Variants in ACAP3 observed in about 807,000 individuals in gnomAD.
ACAP3 encodes arf-GAP with coiled-coil, ANK repeat and PH domain-containing protein 3.
Under a neutral mutation model 104.1 loss-of-function variants are expected in ACAP3, and 56 were observed. The ratio of observed to expected loss-of-function variants is 0.54; its 90% CI spans 0.43 to 0.67. ACAP3 has a LOEUF of 0.67. Among genes scored for constraint, ACAP3 ranks in the 30% least tolerant of loss-of-function variants. ACAP3 has a pLI of 0.00. For missense variants in ACAP3, 1,208 were observed against 1,174.9 expected (o/e 1.03, Z -0.41); for synonymous variants, 628 against 496.2 (o/e 1.27, Z -3.53).
rs940391137 is a variant in ACAP3, at chr1:1,303,417, C to G, written c.106-136G>C. 1.4e-5 allele frequency: 14 copies of G among 994,958 alleles called. No homozygotes were observed. The highest frequency in any genetic ancestry group is 1.4e-5 in the Non-Finnish European group (11 of 760,166). 61.6% of individuals were successfully genotyped at this position (994,958 alleles called of 1,614,324 possible). A position where few individuals can be genotyped will look rare whatever the true frequency, so the allele number is the denominator to read the frequency against. On this transcript the variant is annotated intron_variant, in intron 2 of 23. Coordinates refer to ENST00000354700, the MANE Select transcript of ACAP3 (RefSeq NM_030649.3). The surrounding 1 kb of genome is among the most constrained non-coding windows in gnomAD (Gnocchi z 4.0). ...CGTTGGCACTCAGGACTCAGTGCCC[C>G]GGTGCAGCTTCCTCACGCCTGGGCC... is the stretch of plus-strand genomic sequence containing the variant.
intron 1 of ACAP3, chr1:1,307,080 G>A: frequency 1.1e-6 from 1 of 894,944 alleles, no homozygotes; most frequent in Non-Finnish European, 1.6e-6. Flanking sequence ...ACTTGGGGAT[G>A]CAGAGAGGTT....
In ACAP3 at chr1:1,297,812, AG is replaced by A; in HGVS notation, c.1128+9del. The A allele has an allele frequency of 6.2e-7, 1 of 1,607,320 alleles. No individual in the cohort carries two copies. The highest frequency in any genetic ancestry group is 1.1e-5 in the South Asian group (1 of 90,820). ...GCACGGGCTTGGGGCAGGGGCACCA[AG>A]GGCCACACCTCGCTATAGCAACTGT... On this transcript the variant is annotated intron_variant, in intron 14 of 23. Coordinates refer to ENST00000354700, the MANE Select transcript of ACAP3 (RefSeq NM_030649.3).
chr1:1,295,689 C>CG lies in ACAP3; in HGVS notation c.1705+46dup, dbSNP rs1557597596. The CG allele has an allele frequency of 5.1e-6, 8 of 1,563,710 alleles. No individual in the cohort carries two copies. In the Admixed American group the frequency reaches 1.5e-4, roughly 29 times the overall value. ...CCAGCCCCTTGACGGAGTCCATCCCCGACCAAGGCAAGCCCCTCCCAGCCC... is the reference window on the plus strand; with the variant it reads ...CCAGCCCCTTGACGGAGTCCATCCCCGGACCAAGGCAAGCCCCTCCCAGCCC... On this transcript the variant is annotated intron_variant, in intron 18 of 23. Transcript: ENST00000354700.
At position 1,293,219 on chromosome 1, in the gene ACAP3, CCCTGAGGACACAGGG is replaced by C. The variant is rs1369605219; in HGVS notation, c.*330_*344del. On this transcript the variant is annotated 3_prime_UTR_variant, in exon 24 of 24. Transcript: ENST00000354700. ...GAAGTGGGGCACGAAGTAACACAGG[CCCTGAGGACACAGGG>C]ACACAGGTGACACGGGCCTTAAAAG... 1.1e-5 allele frequency: 2 copies of C among 177,404 alleles called. No homozygotes were observed. The highest frequency in any genetic ancestry group is 2.3e-5 in the Non-Finnish European group (2 of 85,856). 11.0% of individuals were successfully genotyped at this position (177,404 alleles called of 1,614,324 possible).
At chr1:1,304,280 C>CCCCG in intron 1 of ACAP3, 137 bp from the exon 2 acceptor site, 6 of 1,064,748 alleles carry the variant, frequency 5.6e-6, no homozygotes, top group Non-Finnish European at 6.8e-6. Flanking sequence ...AGACGCCTGC[C>CCCCG]TGCTACGGGG....
Position 1,298,051 on chromosome 1 carries a change from G to C in ACAP3, c.978C>G (p.Ile326Met). ...RLCSVKPCED[I>M]ERRFCFEVLS... ...GCACCTCGAAGCAGAACCTCCGCTC[G>C]ATGTCCTCACACGGCTTCACAGAGC... Residue 326 changes from isoleucine to methionine, a missense_variant, in exon 13 of 24, where the codon ATC (isoleucine) becomes ATG (methionine). Physicochemically the swap from Ile to Met is conservative, Grantham distance 10 (BLOSUM62 1). Transcript: ENST00000354700. 1 of 1,611,536 alleles carries C rather than the reference G, an allele frequency of 6.2e-7. No homozygotes were observed. Among genetic ancestry groups the C allele is most frequent in the Non-Finnish European group, 8.5e-7 (1 of 1,179,400 alleles).
At chr1:1,307,264 GCCGCTCTTCTCGGCCGCCA>G (rs1641770338) in intron 1 of ACAP3, 6 of 1,287,674 alleles carry the variant, frequency 4.7e-6, no homozygotes, top group Admixed American at 2.3e-5. Flanking sequence ...GACCTTCCCC[GCCGCTCTTCTCGGCCGCCA>G]CCCCTCCAAG....
intron 10 of ACAP3, 35 bp downstream of exon 10, chr1:1,299,310 G>A (rs1378334967): frequency 8.2e-6 from 13 of 1,592,970 alleles, no homozygotes; most frequent in South Asian, 4.5e-5. Flanking sequence ...GGTCTCCCCC[G>A]ACCCACAGCC....
chr1:1,307,652 C>T (rs79254519), intron 1 of ACAP3, 117 bp downstream of exon 1: 32,898 of 972,756 alleles, frequency 0.034, 652 homozygotes, highest in Non-Finnish European at 0.038. Context: ...GGTCCTCCAG[C>T]CCCTCCCCGG....
intron 22 of ACAP3, 33 bp from the exon 23 acceptor site, chr1:1,293,966 C>T: frequency 1.3e-5 from 8 of 621,006 alleles, no homozygotes; most frequent in Non-Finnish European, 2.2e-5. Context: ...CGTGTCGGGG[C>T]GGGGCGGGGC....
Position 1,294,205 on chromosome 1 carries a change from G to A in ACAP3, c.2140-6C>T. On this transcript the variant is annotated splice_polypyrimidine_tract_variant and splice_region_variant and intron_variant, in intron 21 of 23. Transcript: ENST00000354700. ...TCACAGACGATCAAGGAGCCCTGGG[G>A]AGCCGGGGCAACTCAGACGGAGCCA... is the stretch of plus-strand genomic sequence containing the variant. 2 of 1,577,068 alleles carry A rather than the reference G, an allele frequency of 1.3e-6. No homozygotes were observed.
intron 1 of ACAP3, chr1:1,304,549 TA>T (rs1178333019): frequency 3.8e-6 from 1 of 263,264 alleles, no homozygotes; most frequent in Non-Finnish European, 7.5e-6. Flanking sequence ...CCCACTGCAC[TA>T]CTGCAGCCCA....
chr1:1,298,364 G>C lies in ACAP3; in HGVS notation c.915+6C>G. The C allele has an allele frequency of 6.2e-7, 1 of 1,605,426 alleles. No individual in the cohort carries two copies. Among genetic ancestry groups the C allele is most frequent in the Non-Finnish European group, 8.5e-7 (1 of 1,176,060 alleles). On this transcript the variant is annotated splice_donor_region_variant and intron_variant, in intron 12 of 23. Transcript: ENST00000354700. ...TCAGGGCCCCAGCCCCAGGCCCAGG[G>C]CACACCTTGAGCTTCTTCTGGTAGA...
Position 1,295,686 on chromosome 1 carries a change from C to G in ACAP3, c.1705+50G>C, listed in dbSNP as rs1336331189. 5 of 1,561,886 alleles carry G rather than the reference C, an allele frequency of 3.2e-6. No individual in the cohort carries two copies. The African/African-American group carries it at 6.8e-5, about 21-fold the overall frequency. ...CCACCAGCCCCTTGACGGAGTCCAT[C>G]CCCGACCAAGGCAAGCCCCTCCCAG... On this transcript the variant is annotated intron_variant, in intron 18 of 23. Coordinates refer to ENST00000354700, the MANE Select transcript of ACAP3 (RefSeq NM_030649.3).
At chr1:1,294,002 GGCCGGATAGGGCATGGCGGACAGGGCGTA>G in intron 22 of ACAP3, 59 bp downstream of exon 22, 2 of 1,467,676 alleles carry the variant, frequency 1.4e-6, no homozygotes, top group Non-Finnish European at 9.0e-7. Flanking sequence ...GCGGGGGCGT[GGCCGGATAGGGCATGGCGGACAGGGCGTA>G]GCCGGGCCGG....
At chr1:1,304,324 C>T in intron 1 of ACAP3, 181 bp from the exon 2 acceptor site, 1 of 701,894 alleles carries the variant, frequency 1.4e-6, no homozygotes, top group Non-Finnish European at 2.3e-6. Context: ...GCACTTCCCC[C>T]CGCCCCCCCA....
intron 1 of ACAP3, 119 bp downstream of exon 1, chr1:1,307,650 A>G: frequency 6.2e-6 from 6 of 966,438 alleles, no homozygotes; most frequent in Non-Finnish European, 7.6e-6. Flanking sequence ...CCGGTCCTCC[A>G]GCCCCTCCCC....
chr1:1,294,251 G>A (rs1284162311), intron 21 of ACAP3, 52 bp from the exon 22 acceptor site: 3 of 1,530,008 alleles, frequency 2.0e-6, no homozygotes, highest in African/African-American at 1.4e-5. Context: ...CCCTCTCCGC[G>A]CCTCTGCACC....
At position 1,296,584 on chromosome 1, in the gene ACAP3, G is replaced by A. The variant is rs1279681034; in HGVS notation, c.1178C>T (p.Thr393Ile). The A allele has an allele frequency of 6.5e-7, 1 of 1,539,654 alleles. No homozygotes were observed. Residue 393 changes from threonine to isoleucine, a missense_variant, in exon 15 of 24, where the codon ACC becomes ATC. Thr to Ile is a moderately conservative substitution (Grantham distance 89). Transcript: ENST00000354700. ...SPSTSSIDSA[T>I]DTRERGVKGE... ...CTTCACGCCACGCTCCCGAGTGTCG[G>A]TGGCGGAGTCGATGCTGCTCGTGGA...
Sources: allele counts gnomAD v4.1 joint callset, GRCh38; gene constraint gnomAD v4.1.1; non-coding constraint Gnocchi (gnomAD v3.1); transcripts MANE v1.5; gene names NCBI Gene and HGNC (gene_info 2026-07-23, HGNC 2026-07-21).